Variants in PKD1 observed in about 807,000 individuals in gnomAD.
PKD1 encodes the protein polycystin-1.
In PKD1, 81 loss-of-function variants were observed where a neutral mutation model predicts 361.7. That is an observed-to-expected ratio of 0.22 (90% CI 0.19 to 0.27). The LOEUF (loss-of-function observed/expected upper bound fraction) is 0.27. Ranked by LOEUF, PKD1 falls within the 10% of genes least tolerant of loss-of-function variation. PKD1 has a pLI of 1.00. For missense variants in PKD1, 6,399 were observed against 6,118.3 expected, an observed-to-expected ratio of 1.05 and a Z score of -1.53; for synonymous variants, 3,615 against 2,818.3, an observed-to-expected ratio of 1.28 and a Z score of -8.95.
At chr16:2,096,121 A>G (rs1184447699) in intron 34 of PKD1, among the ~76,000 whole-genome samples, 1 of 152,232 alleles carries the variant, frequency 6.6e-6, no homozygotes, top group Non-Finnish European at 1.5e-5. Context: ...GCAGTCACGC[A>G]CCACTTAGTG....
Position 2,111,230 on chromosome 16 carries a change from G to A in PKD1, c.3937C>T (p.Leu1313Phe), listed in dbSNP as rs370037119. 7.4e-5 allele frequency: 119 copies of A among 1,610,932 alleles called. No homozygotes were observed. The highest frequency in any genetic ancestry group is 9.8e-5 in the Non-Finnish European group (116 of 1,179,658). The change falls in exon 15 of 46, where the codon CTC becomes TTC. Residue 1313 changes from leucine to phenylalanine, a missense_variant. By Grantham distance (22) the Leu-to-Phe change is conservative. Transcript: ENST00000262304. ...ACIPTQPDAR[L>F]TAYVTGNPAH... ...GGGTTCCCGGTGACGTAGGCCGTGA[G>A]CCGCGCGTCAGGCTGCGTGGGGATG...
chr16:2,107,040 A>T, intron 16 of PKD1, 92 bp from the exon 17 acceptor site: 1 of 1,239,072 alleles, frequency 8.1e-7, no homozygotes, highest in Non-Finnish European at 1.2e-6. Flanking sequence ...CCCAAACTCC[A>T]GGTTTCCCAG....
Position 2,111,882 on chromosome 16 carries a change from A to G in PKD1, c.3296-11T>C. ...TCAGGAGGTACTCACCTGTGGGGAC[A>G]GGCCCGAGTGGGGCAGCCGCGGCAC... On this transcript the variant is annotated splice_polypyrimidine_tract_variant and intron_variant, in intron 14 of 45. Coordinates refer to ENST00000262304, the MANE Select transcript of PKD1 (RefSeq NM_001009944.3). The G allele has an allele frequency of 1.2e-6, 2 of 1,609,976 alleles. No individual in the cohort carries two copies. Among genetic ancestry groups the G allele is most frequent in the Non-Finnish European group, 8.5e-7 (1 of 1,179,402 alleles).
At position 2,088,750 on chromosome 16, in the gene PKD1, C is replaced by G; in HGVS notation, c.*977G>C. ...TTTTATTGACTTTGTCTGCTTGGTGCGGGGGTTGGGGGGGTGTCGAGGCTC... is the reference window on the plus strand; with the variant it reads ...TTTTATTGACTTTGTCTGCTTGGTGGGGGGGTTGGGGGGGTGTCGAGGCTC... On this transcript the variant is annotated 3_prime_UTR_variant, in exon 46 of 46. Transcript: ENST00000262304. The G allele has an allele frequency of 8.2e-7, 1 of 1,219,198 alleles. No individual in the cohort carries two copies. The highest frequency in any genetic ancestry group is 1.1e-6 in the Non-Finnish European group (1 of 884,044). The allele number at this position is 1,219,198 out of a possible 1,614,324, so 75.5% of individuals were successfully genotyped here.
rs771346990 is a variant in PKD1 at position 2,106,814 on chromosome 16, G to A, written c.7200C>T (p.Ser2400=). Reference sequence around the variant, plus strand: ...CCCGCTCAACACTCACCCCTCGCTTGGAGCCGCTGCTGCAATTGAGGCAGC... The same window carrying A: ...CCCGCTCAACACTCACCCCTCGCTTAGAGCCGCTGCTGCAATTGAGGCAGC... ...EGRCLNCSSG[S]KRGRWAARTF... is the part of the protein sequence containing the mutation. The change falls in exon 17 of 46, where the codon TCC becomes TCT. Residue 2400 remains serine (S), a synonymous_variant. Coordinates refer to ENST00000262304, the MANE Select transcript of PKD1 (RefSeq NM_001009944.3). The surrounding 1 kb of genome is among the most constrained non-coding windows in gnomAD (Gnocchi z 6.5). 1.4e-6 allele frequency: 2 copies of A among 1,406,776 alleles called. No homozygotes were observed. Among genetic ancestry groups the A allele is most frequent in the South Asian group, 2.3e-5 (2 of 87,506 alleles). The allele number at this position is 1,406,776 out of a possible 1,614,324, so 87.1% of individuals were successfully genotyped here. A position where few individuals can be genotyped will look rare whatever the true frequency, so the allele number is the denominator to read the frequency against.
chr16:2,102,486 G>A lies in PKD1; in HGVS notation c.9096C>T (p.Pro3032=). ...CCTGGCGGGGCGAGGTCTCCTCCAG[G>A]GGCAGCAGCCCCTCTGTCCGCCACA... ...DMVWRTEGLL[P]LEETSPRQAV... is the part of the protein sequence containing the mutation. The change falls in exon 25 of 46, where the codon CCC becomes CCT. Residue 3032 remains proline (P), a synonymous_variant. Transcript: ENST00000262304. 6.4e-7 allele frequency: 1 copy of A among 1,574,294 alleles called. No individual in the cohort carries two copies. Among genetic ancestry groups the A allele is most frequent in the Non-Finnish European group, 8.6e-7 (1 of 1,161,888 alleles).
Position 2,113,299 on chromosome 16 carries a change from G to A in PKD1, c.2854-7C>T, listed in dbSNP as rs1234512813. The A allele has an allele frequency of 1.3e-6, 2 of 1,595,390 alleles. No homozygotes were observed. The highest frequency in any genetic ancestry group is 1.7e-5 in the Admixed American group (1 of 59,936). On this transcript the variant is annotated splice_region_variant and splice_polypyrimidine_tract_variant and intron_variant, in intron 11 of 45. Coordinates refer to ENST00000262304, the MANE Select transcript of PKD1 (RefSeq NM_001009944.3). The stretch of plus-strand genomic sequence containing the variant: ...CCACCACGGGGCTGTACCTCTGCGG[G>A]GGGAATGGTGTCAGCCTGGGCTCTG...
rs1310929204 is a variant in PKD1, at chr16:2,118,272, G to A, written c.720C>T (p.Ala240=). The stretch of plus-strand genomic sequence containing the variant: ...AGCAGAGGGACAGGCAGGCAAAGGA[G>A]GCACTGGAGGGCTGGGCCGCCCCAC... The part of the protein sequence containing the change: ...CLCGAAQPSS[A]SFACLSLCSG... Residue 240 remains alanine (A), a synonymous_variant, in exon 5 of 46, where the codon GCC becomes GCT. Transcript: ENST00000262304. The surrounding 1 kb of genome is among the most constrained non-coding windows in gnomAD (Gnocchi z 6.0). 1.3e-6 allele frequency: 2 copies of A among 1,532,684 alleles called. No individual in the cohort carries two copies. Among genetic ancestry groups the A allele is most frequent in the Non-Finnish European group, 1.7e-6 (2 of 1,144,896 alleles). 94.9% of individuals were successfully genotyped at this position (1,532,684 alleles called of 1,614,324 possible).
In PKD1 at chr16:2,100,381, A is replaced by G. The variant is rs1374221975; in HGVS notation, c.9568+15T>C. ...CGGGGGCAGAGGGGCAGAGCTTGGC[A>G]GGGTCCGCACAAACCTTTGTTGTCG... On this transcript the variant is annotated intron_variant, in intron 27 of 45. Coordinates refer to ENST00000262304, the MANE Select transcript of PKD1 (RefSeq NM_001009944.3). The surrounding 1 kb of genome is among the most constrained non-coding windows in gnomAD (Gnocchi z 4.4). The G allele has an allele frequency of 1.2e-6, 2 of 1,611,104 alleles. No homozygotes were observed. Among genetic ancestry groups the G allele is most frequent in the Non-Finnish European group, 1.7e-6 (2 of 1,179,734 alleles).
chr16:2,097,751 G>A lies in PKD1; in HGVS notation c.10197C>T (p.Asp3399=), dbSNP rs1596502847. The A allele has an allele frequency of 1.2e-6, 2 of 1,611,274 alleles. No individual in the cohort carries two copies. Among genetic ancestry groups the A allele is most frequent in the African/African-American group, 1.3e-5 (1 of 74,984 alleles). Residue 3399 remains aspartate, a synonymous_variant, in exon 32 of 46, where the codon GAC becomes GAT. Coordinates refer to ENST00000262304, the MANE Select transcript of PKD1 (RefSeq NM_001009944.3). ...EQAFVGQMKS[D]LFLDDSKSLV... ...ACCTCTTAGAATCATCCAGAAACAAGTCACTCTTCATCTGTCCAACAAAGG... is the reference window on the plus strand; with the variant it reads ...ACCTCTTAGAATCATCCAGAAACAAATCACTCTTCATCTGTCCAACAAAGG...
At position 2,093,568 on chromosome 16, in the gene PKD1, G is replaced by C; in HGVS notation, c.10992C>G (p.Val3664=). The change falls in exon 37 of 46, where the codon GTC becomes GTG. Residue 3664 remains valine, a synonymous_variant. Coordinates refer to ENST00000262304, the MANE Select transcript of PKD1 (RefSeq NM_001009944.3). The part of the protein sequence containing the change: ...LFLAKEEARK[V]KRLHGMLRSL... ...CCCGCAGCATGCCATGTAGCCTCTT[G>C]ACCTTGCGGGCTTCTTCCTTGGCCA... is the stretch of plus-strand genomic sequence containing the variant. 2 of 1,605,796 alleles carry C rather than the reference G, an allele frequency of 1.2e-6. No individual in the cohort carries two copies. Among genetic ancestry groups the C allele is most frequent in the East Asian group, 4.5e-5 (2 of 44,652 alleles).
intron 1 of PKD1, among the ~76,000 whole-genome samples, chr16:2,121,890 T>C (rs2092726716): frequency 6.6e-6 from 1 of 152,188 alleles, no homozygotes; most frequent in South Asian, 2.1e-4. Flanking sequence ...AGACTTGCTC[T>C]TCCCAGCAAT....
rs746568609 is a variant in PKD1, at chr16:2,109,895, G to A, written c.5272C>T (p.Leu1758=). The change falls in exon 15 of 46, where the codon CTG becomes TTG. Residue 1758 remains leucine (L), a synonymous_variant. Coordinates refer to ENST00000262304, the MANE Select transcript of PKD1 (RefSeq NM_001009944.3). ...VVYTWSLEEG[L]SWETSEPFTT... ...AATGGCTCGGAGGTCTCCCAGCTCA[G>A]CCCCTCCTCCAAGGACCAAGTGTAT... is the stretch of plus-strand genomic sequence containing the variant. 5.0e-5 allele frequency: 81 copies of A among 1,610,434 alleles called. No individual in the cohort carries two copies. The highest frequency in any genetic ancestry group is 6.8e-5 in the Non-Finnish European group (80 of 1,179,746).
intron 8 of PKD1, 63 bp from the exon 9 acceptor site, chr16:2,116,181 C>G (rs765290539): frequency 5.2e-6 from 8 of 1,530,978 alleles, no homozygotes; most frequent in Middle Eastern, 2.3e-4. Context: ...CCAGACTCCC[C>G]CTACCCGAAC....
chr16:2,118,940 G>T lies in PKD1; in HGVS notation c.360-95C>A. Reference sequence around the variant, plus strand: ...ACCAGGCCCTGGAGCCACCCTGACAGCACCGCCTCCCCTGCCCCAACCAAG... The same window carrying T: ...ACCAGGCCCTGGAGCCACCCTGACATCACCGCCTCCCCTGCCCCAACCAAG... On this transcript the variant is annotated intron_variant, in intron 3 of 45. Transcript: ENST00000262304. This position sits in a 1 kb window ranked among gnomAD's most constrained non-coding sequence, Gnocchi z 6.0. 2 of 704,080 alleles carry T rather than the reference G, an allele frequency of 2.8e-6. No homozygotes were observed. The highest frequency in any genetic ancestry group is 5.4e-5 in the East Asian group (2 of 37,264). The allele number at this position is 704,080 out of a possible 1,614,324, so 43.6% of individuals were successfully genotyped here.
In PKD1 at chr16:2,102,803, G is replaced by A. The variant is rs147923678; in HGVS notation, c.8948+11C>T. On this transcript the variant is annotated intron_variant, in intron 24 of 45. Transcript: ENST00000262304. Reference sequence around the variant, plus strand: ...CTGCCCTGCCCTGCCAGGCTGGCCCGCAGAGCTCACCCCGGGGAAATGAAG... The same window carrying A: ...CTGCCCTGCCCTGCCAGGCTGGCCCACAGAGCTCACCCCGGGGAAATGAAG... 1.9e-3 allele frequency: 3,113 copies of A among 1,609,766 alleles called. 59 individuals are homozygous for A. In the East Asian group the frequency reaches 0.053, roughly 27 times the overall value.
Position 2,092,640 on chromosome 16 carries a change from G to A in PKD1, c.11157-48C>T, listed in dbSNP as rs376933566. ...CTCCAGCCCCTACTGCCCCATGCCCGCCTCGAGTGAGCGGCCACCAGAGAC... is the reference window on the plus strand; with the variant it reads ...CTCCAGCCCCTACTGCCCCATGCCCACCTCGAGTGAGCGGCCACCAGAGAC... On this transcript the variant is annotated intron_variant, in intron 38 of 45. Transcript: ENST00000262304. 74 of 1,332,212 alleles carry A rather than the reference G, an allele frequency of 5.6e-5. 1 individual carries two copies. In the African/African-American group the frequency reaches 6.9e-4, roughly 12 times the overall value. The allele number at this position is 1,332,212 out of a possible 1,614,324, so 82.5% of individuals were successfully genotyped here.
In PKD1 at chr16:2,114,199, C is replaced by T. The variant is rs1345631696; in HGVS notation, c.2824G>A (p.Glu942Lys). The T allele has an allele frequency of 6.2e-6, 10 of 1,608,818 alleles. No homozygotes were observed. The highest frequency in any genetic ancestry group is 4.0e-5 in the African/African-American group (3 of 74,854). The change falls in exon 11 of 46, where the codon GAG becomes AAG. Residue 942 changes from glutamate (E) to lysine (K), a missense_variant. Transcript: ENST00000262304. The stretch of plus-strand genomic sequence containing the variant: ...AGGACTCCCTGCAGTACACGGGCCT[C>T]GGGGCTGGGCGTGGCGCGGAGGCCA... ...ICGLRATPSP[E>K]ARVLQGVLVR...
At chr16:2,092,758 T>C (rs561693498) in intron 38 of PKD1, 166 bp from the exon 39 acceptor site, 2 of 836,144 alleles carry the variant, frequency 2.4e-6, no homozygotes, top group South Asian at 1.4e-5. Context: ...GACAGTTGTC[T>C]GTCATGGGCC....
Sources: gnomAD v4.1 joint callset for allele counts (sites outside exome capture counted in the v4.1 genomes callset) on GRCh38, gnomAD v4.1.1 for gene constraint, Gnocchi (gnomAD v3.1) non-coding constraint, MANE v1.5 for transcripts, NCBI Gene and HGNC (gene_info 2026-07-23, HGNC 2026-07-21) for gene names.